The following FRY variants were observed in gnomAD, a reference collection of about 807,000 sequenced individuals.
The protein encoded by FRY is FRY microtubule binding protein.
A neutral mutation model predicts 348.4 loss-of-function variants in FRY; 128 were observed. The ratio of observed to expected loss-of-function variants is 0.37; its 90% CI spans 0.32 to 0.43. The LOEUF (loss-of-function observed/expected upper bound fraction) is 0.43, where lower values mean the gene tolerates loss of function less well. Ranked by LOEUF, FRY falls within the 20% of genes least tolerant of loss-of-function variation. The pLI is 1.00. For synonymous variants in FRY, 1,370 were observed against 1,374.7 expected, an observed-to-expected ratio of 1.00 and a Z score of 0.08; for missense variants, 2,736 against 3,695.2, an observed-to-expected ratio of 0.74 and a Z score of 6.73.
At chr13:32,126,500 C>T (rs777582162) in intron 7 of FRY, among the ~76,000 whole-genome samples, 1 of 152,064 alleles carries the variant, frequency 6.6e-6, no homozygotes, top group Non-Finnish European at 1.5e-5. Context: ...TTTTTATTTT[C>T]GTGATGTCAG....
At chr13:32,164,923 T>G (rs75956711) in intron 17 of FRY, among the ~76,000 whole-genome samples, 1 of 152,326 alleles carries the variant, frequency 6.6e-6, no homozygotes, top group East Asian at 1.9e-4. Context: ...GTGCTTTGCA[T>G]GCACCAAGGG....
Position 32,247,386 on chromosome 13 carries a change from G to C in FRY, c.6892G>C (p.Val2298Leu), listed in dbSNP as rs1359281704. Residue 2298 changes from valine (V) to leucine (L), a missense_variant, in exon 48 of 61, where the codon GTT becomes CTT. By Grantham distance (32) the Val-to-Leu change is conservative. Around this residue, in one of 9 missense-constraint regions of FRY, gnomAD observed 789 missense variants for 996.2 expected, o/e 0.79. Coordinates refer to ENST00000542859, the MANE Select transcript of FRY (RefSeq NM_023037.3). ...GGTAGTTTCTCGGTCAGCCAGCCTT[G>C]TTTTACCTTCATACCAGCACAGTGA... The part of the protein sequence containing the change: ...KLVVSRSASL[V>L]LPSYQHSDLS... The C allele has an allele frequency of 6.2e-7, 1 of 1,613,702 alleles. No homozygotes were observed. The highest frequency in any genetic ancestry group is 1.1e-5 in the South Asian group (1 of 91,054).
chr13:32,160,705 G>T (rs1881389306), intron 16 of FRY, among the ~76,000 whole-genome samples: 1 of 152,034 alleles, frequency 6.6e-6, no homozygotes, highest in Non-Finnish European at 1.5e-5. Flanking sequence ...AGCTCTAGGG[G>T]AGAAGCATAA....
At chr13:32,071,660 A>G (rs756018593) in intron 1 of FRY, among the ~76,000 whole-genome samples, 22 of 152,266 alleles carry the variant, frequency 1.4e-4, no homozygotes, top group Non-Finnish European at 1.9e-4. Flanking sequence ...TTCCACGTAT[A>G]TGCAGTATCT....
chr13:32,231,281 A>G lies in FRY; in HGVS notation c.5508A>G (p.Val1836=), dbSNP rs989492048. 1 of 1,613,660 alleles carries G rather than the reference A, an allele frequency of 6.2e-7. No individual in the cohort carries two copies. Residue 1836 remains valine, a synonymous_variant, in exon 41 of 61, where the codon GTA becomes GTG. Coordinates refer to ENST00000542859, the MANE Select transcript of FRY (RefSeq NM_023037.3). The stretch of plus-strand genomic sequence containing the variant: ...ATTTTCTACGTCACGTTGTATCTGT[A>G]TTTAAAGATTCCAAATCAGGTACTT... ...LTNFLRHVVS[V]FKDSKSGFHL...
At chr13:32,293,561 C>G (rs1417409016) in intron 59 of FRY, among the ~76,000 whole-genome samples, 1 of 152,110 alleles carries the variant, frequency 6.6e-6, no homozygotes, top group Non-Finnish European at 1.5e-5. Context: ...TAATTTTATG[C>G]CAATTTTTTT....
At chr13:32,175,782 CA>C in intron 20 of FRY, 150 bp downstream of exon 20, 1 of 646,202 alleles carries the variant, frequency 1.5e-6, no homozygotes, top group Non-Finnish European at 2.8e-6. Flanking sequence ...ACTAGTTTTT[CA>C]GATGTTAATT....
chr13:32,060,019 T>A (rs1421803218), intron 1 of FRY, among the ~76,000 whole-genome samples: 1 of 152,218 alleles, frequency 6.6e-6, no homozygotes, highest in Admixed American at 6.5e-5. Context: ...CTGTGAATTG[T>A]TTCAGTTCAT....
At chr13:32,077,457 G>A (rs17077037) in intron 1 of FRY, among the ~76,000 whole-genome samples, 3,652 of 152,154 alleles carry the variant, frequency 0.024, 148 homozygotes, top group African/African-American at 0.085. Context: ...TTGGAATTGC[G>A]AGGCCATAGT....
At chr13:32,227,991 C>A (rs1368666106) in intron 39 of FRY, among the ~76,000 whole-genome samples, 2 of 152,156 alleles carry the variant, frequency 1.3e-5, no homozygotes, top group African/African-American at 2.4e-5. Flanking sequence ...ACCTTGTGAT[C>A]CACCCGCCTC....
chr13:32,147,443 T>TC, intron 12 of FRY, 58 bp downstream of exon 12: 1 of 921,638 alleles, frequency 1.1e-6, no homozygotes, highest in South Asian at 1.3e-5. Context: ...AGAGGGTGTT[T>TC]CTTTTATTAC....
chr13:32,156,526 A>G (rs1397772457), intron 15 of FRY, among the ~76,000 whole-genome samples: 7 of 150,488 alleles, frequency 4.7e-5, no homozygotes, highest in Admixed American at 2.0e-4. Context: ...ACTTGAACCC[A>G]GGAGACGGAG....
Position 32,149,825 on chromosome 13 carries a change from C to T in FRY, c.1470C>T (p.Leu490=). The T allele has an allele frequency of 1.3e-6, 2 of 1,596,182 alleles. No individual in the cohort carries two copies. ...GAAAACCAGCAAAAGCATTCAGTCTCAACCCAGAGGTATGAATGATCCTTT... is the reference window on the plus strand; with the variant it reads ...GAAAACCAGCAAAAGCATTCAGTCTTAACCCAGAGGTATGAATGATCCTTT... ...CVGKPAKAFS[L]NPERMNIGLR... Residue 490 remains leucine (L), a synonymous_variant, in exon 14 of 61, where the codon CTC becomes CTT. Transcript: ENST00000542859.
At chr13:32,218,856 T>C in intron 36 of FRY, 25 bp downstream of exon 36, 1 of 1,365,912 alleles carries the variant, frequency 7.3e-7, no homozygotes, top group Non-Finnish European at 1.0e-6. Flanking sequence ...GCTGTGGGCT[T>C]TCAGACGGAA....
Position 32,124,321 on chromosome 13 carries a change from G to A in FRY, c.500G>A (p.Arg167Gln), listed in dbSNP as rs1295777071. 4 of 1,602,368 alleles carry A rather than the reference G, an allele frequency of 2.5e-6. No homozygotes were observed. The Admixed American group carries it at 5.0e-5, about 20-fold the overall frequency. Residue 167 changes from arginine (R) to glutamine (Q), a missense_variant, in exon 5 of 61, where the codon CGG (arginine) becomes CAG (glutamine). Physicochemically the swap from Arg to Gln is conservative, Grantham distance 43. Around this residue, in one of 9 missense-constraint regions of FRY, gnomAD observed 309 missense variants for 418.1 expected, o/e 0.74. Transcript: ENST00000542859. Reference sequence around the variant, plus strand: ...CAGCGAGATTATTTAATGGAAAGACGGGACCTCGCCATTGATTTTATTTTT... The same window carrying A: ...CAGCGAGATTATTTAATGGAAAGACAGGACCTCGCCATTGATTTTATTTTT... ...EQQRDYLMER[R>Q]DLAIDFIFSL... is the part of the protein sequence containing the mutation.
Position 32,242,827 on chromosome 13 carries a change from G to A in FRY, c.6688-1215G>A, listed in dbSNP as rs767437600. 3.3e-5 allele frequency among the ~76,000 whole-genome samples: 5 copies of A among 152,102 alleles called. No homozygotes were observed. The East Asian group carries it at 5.8e-4, about 18-fold the overall frequency. On this transcript the variant is annotated intron_variant, in intron 46 of 60. Coordinates refer to ENST00000542859, the MANE Select transcript of FRY (RefSeq NM_023037.3). Reference sequence around the variant, plus strand: ...TGGGATTACAGGCATGAGCCACCGCGCCCTGCTCTTTCCTCATGTTTTAAC... The same window carrying A: ...TGGGATTACAGGCATGAGCCACCGCACCCTGCTCTTTCCTCATGTTTTAAC...
chr13:32,171,790 A>G lies in FRY; in HGVS notation c.2151+520A>G, dbSNP rs1335192266. Reference sequence around the variant, plus strand: ...TCCACATCAGGTTAGACTTGTGAACATTCACAAGGCTATTTAGGGAATAGA... The same window carrying G: ...TCCACATCAGGTTAGACTTGTGAACGTTCACAAGGCTATTTAGGGAATAGA... On this transcript the variant is annotated intron_variant, in intron 18 of 60. Coordinates refer to ENST00000542859, the MANE Select transcript of FRY (RefSeq NM_023037.3). Among the ~76,000 whole-genome samples the G allele has an allele frequency of 2.6e-5, 4 of 152,132 alleles. No homozygotes were observed. In the South Asian group the frequency reaches 6.2e-4, roughly 24 times the overall value.
intron 1 of FRY, chr13:32,060,775 A>G: frequency 4.1e-6 from 1 of 243,200 alleles, no homozygotes; most frequent in Admixed American, 4.9e-5. Flanking sequence ...ATCTGTCAGT[A>G]TAGTATGTTC....
Position 32,224,398 on chromosome 13 carries a change from T to C in FRY, c.4916+13T>C. On this transcript the variant is annotated intron_variant, in intron 37 of 60. Transcript: ENST00000542859. ...GGCCACTCCACAGGTGAGCAGCATG[T>C]GTGGGGAGAAGGAAATCTTAGCTTT... The C allele has an allele frequency of 2.5e-6, 4 of 1,612,580 alleles. No individual in the cohort carries two copies. The highest frequency in any genetic ancestry group is 3.4e-6 in the Non-Finnish European group (4 of 1,179,204).
Sources: allele counts gnomAD v4.1 joint callset (sites outside exome capture counted in the v4.1 genomes callset), GRCh38; gene constraint gnomAD v4.1.1; regional missense constraint gnomAD v4.1.1; transcripts MANE v1.5; gene names NCBI Gene and HGNC (gene_info 2026-07-23, HGNC 2026-07-21).